The following MED13L variants were observed in gnomAD, a reference collection of about 807,000 sequenced individuals.
The protein encoded by MED13L is mediator of RNA polymerase II transcription subunit 13-like.
A neutral mutation model predicts 220.9 loss-of-function variants in MED13L; 7 were observed. That is an observed-to-expected ratio of 0.03 (90% confidence interval 0.02 to 0.06). The LOEUF (loss-of-function observed/expected upper bound fraction) is 0.06. Among genes scored for constraint, MED13L ranks in the 10% least tolerant of loss-of-function variants. MED13L has a pLI of 1.00. For synonymous variants in MED13L, 1,011 were observed against 1,015.2 expected (o/e 1.00, Z 0.08); for missense variants, 1,965 against 2,760.5 (o/e 0.71, Z 6.46).
intron 1 of MED13L, among the ~76,000 whole-genome samples, chr12:116,243,128 T>A (rs1231987642): frequency 1.3e-5 from 2 of 152,178 alleles, no homozygotes; most frequent in African/African-American, 4.8e-5. Context: ...TAAGATGGTA[T>A]CTACATAAAC....
intron 2 of MED13L, among the ~76,000 whole-genome samples, chr12:116,185,788 C>T (rs984187692): frequency 6.6e-6 from 1 of 152,026 alleles, no homozygotes; most frequent in Admixed American, 6.6e-5. Context: ...CTTCCGCCTC[C>T]CTTCAAGCAA....
chr12:116,059,847 G>C (rs2137627690), intron 4 of MED13L, among the ~76,000 whole-genome samples: 1 of 152,094 alleles, frequency 6.6e-6, no homozygotes, highest in South Asian at 2.1e-4. Flanking sequence ...TGGATTAAGA[G>C]TAAAAAACAT....
At chr12:116,271,148 A>G (rs1873296952) in intron 1 of MED13L, among the ~76,000 whole-genome samples, 1 of 152,094 alleles carries the variant, frequency 6.6e-6, no homozygotes, top group East Asian at 1.9e-4. Flanking sequence ...CCAAGAACAC[A>G]TACAAATACT....
At position 115,987,152 on chromosome 12, in the gene MED13L, G is replaced by T; in HGVS notation, c.4071C>A (p.Leu1357=). The change falls in exon 18 of 31, where the codon CTC becomes CTA. Residue 1357 remains leucine, a synonymous_variant. Coordinates refer to ENST00000281928, the MANE Select transcript of MED13L (RefSeq NM_015335.5). ...WENIQHVQGP[L]TWQQFHKMAG... is the part of the protein sequence containing the mutation. ...CCATTTTATGGAACTGCTGCCAAGT[G>T]AGTGGTCCCTGCACATGCTGGATGT... 2 of 1,614,138 alleles carry T rather than the reference G, an allele frequency of 1.2e-6. No homozygotes were observed. Among genetic ancestry groups the T allele is most frequent in the South Asian group, 2.2e-5 (2 of 91,080 alleles).
intron 30 of MED13L, among the ~76,000 whole-genome samples, chr12:115,961,760 T>C (rs1416221314): frequency 1.3e-5 from 2 of 152,084 alleles, no homozygotes; most frequent in Non-Finnish European, 2.9e-5. Context: ...TCACCTGAGG[T>C]CAGGAGTTCA....
intron 1 of MED13L, among the ~76,000 whole-genome samples, chr12:116,242,462 C>T (rs142511631): frequency 0.019 from 2,899 of 152,274 alleles, 54 homozygotes; most frequent in Middle Eastern, 0.051. Context: ...TATCCCCAAA[C>T]ACAATTATTT....
At chr12:115,962,749 A>G (rs1875854479) in intron 30 of MED13L, 1 of 155,562 alleles carries the variant, frequency 6.4e-6, no homozygotes, top group Non-Finnish European at 1.4e-5. Context: ...AAAAACACAT[A>G]ATCGGTGGCT....
At chr12:116,072,826 C>A (rs1044625497) in intron 4 of MED13L, among the ~76,000 whole-genome samples, 10 of 152,210 alleles carry the variant, frequency 6.6e-5, no homozygotes, top group African/African-American at 2.4e-4. Flanking sequence ...TTATGCAAAT[C>A]ATTCAACCTC....
intron 9 of MED13L, 135 bp downstream of exon 9, chr12:116,012,661 GA>G (rs1003590518): frequency 2.7e-6 from 2 of 754,240 alleles, no homozygotes; most frequent in East Asian, 5.1e-5. Context: ...CTGCATATAA[GA>G]AAAAAACTAA....
chr12:115,977,287 A>T (rs1877004574), intron 23 of MED13L, among the ~76,000 whole-genome samples: 1 of 152,238 alleles, frequency 6.6e-6, no homozygotes. Context: ...AGAATGACAC[A>T]ATTTTAAAGC....
At chr12:116,232,904 T>C (rs963198973) in intron 2 of MED13L, among the ~76,000 whole-genome samples, 7 of 152,074 alleles carry the variant, frequency 4.6e-5, no homozygotes, top group African/African-American at 1.7e-4. Context: ...CTGGCCAACA[T>C]GGTGAAACCC....
intron 1 of MED13L, among the ~76,000 whole-genome samples, chr12:116,274,003 G>A (rs1873605366): frequency 6.6e-6 from 1 of 152,192 alleles, no homozygotes; most frequent in South Asian, 2.1e-4. Context: ...ACCCAGAAAT[G>A]TGATGGACAG....
chr12:116,030,064 T>C (rs2137484102), intron 4 of MED13L, among the ~76,000 whole-genome samples: 1 of 152,238 alleles, frequency 6.6e-6, no homozygotes, highest in African/African-American at 2.4e-5. Flanking sequence ...CACCTCCCAG[T>C]TCAGGTGATT....
chr12:116,057,022 CT>C (rs1285377262), intron 4 of MED13L, among the ~76,000 whole-genome samples: 1 of 152,138 alleles, frequency 6.6e-6, no homozygotes, highest in African/African-American at 2.4e-5. Flanking sequence ...CTAAATCATT[CT>C]GGTAAAAGAA....
chr12:116,012,460 T>A (rs1394975294), intron 9 of MED13L, among the ~76,000 whole-genome samples: 1 of 152,174 alleles, frequency 6.6e-6, no homozygotes, highest in East Asian at 1.9e-4. Flanking sequence ...CTCAAGCCCA[T>A]CTGTTTTTAA....
intron 2 of MED13L, among the ~76,000 whole-genome samples, chr12:116,153,779 T>C (rs1191909287): frequency 6.6e-6 from 1 of 152,162 alleles, no homozygotes; most frequent in Non-Finnish European, 1.5e-5. Flanking sequence ...AATATGCAAA[T>C]AGTATATCTG....
chr12:116,005,967 T>C lies in MED13L; in HGVS notation c.2371A>G (p.Arg791Gly). 1 of 1,613,972 alleles carries C rather than the reference T, an allele frequency of 6.2e-7. No individual in the cohort carries two copies. The highest frequency in any genetic ancestry group is 8.5e-7 in the Non-Finnish European group (1 of 1,179,864). The part of the protein sequence containing the change: ...TDVRQDNAAG[R>G]AGSSSLTQVT... ...TGTGTAAGGCTACTGGAGCCAGCTCTGCCAGCAGCATTATCCTGCCGGACA... is the reference window on the plus strand; with the variant it reads ...TGTGTAAGGCTACTGGAGCCAGCTCCGCCAGCAGCATTATCCTGCCGGACA... Residue 791 changes from arginine (R) to glycine (G), a missense_variant, in exon 13 of 31, where the codon AGA (arginine) becomes GGA (glycine). Arg to Gly is a moderately radical substitution (Grantham distance 125). This residue lies in a region of MED13L where 818 missense variants were observed against 1,041.2 expected (regional missense o/e 0.79). Coordinates refer to ENST00000281928, the MANE Select transcript of MED13L (RefSeq NM_015335.5).
intron 4 of MED13L, among the ~76,000 whole-genome samples, chr12:116,055,148 C>G (rs542322086): frequency 1.3e-5 from 2 of 151,932 alleles, no homozygotes; most frequent in African/African-American, 4.8e-5. Flanking sequence ...AAATAGTGAT[C>G]CCTTTGAGGG....
chr12:116,120,177 T>C (rs1874917914), intron 2 of MED13L, among the ~76,000 whole-genome samples: 1 of 151,840 alleles, frequency 6.6e-6, no homozygotes, highest in African/African-American at 2.4e-5. Flanking sequence ...ACAGATGGGA[T>C]TCATATCCAA....
Sources: allele counts gnomAD v4.1 joint callset (sites outside exome capture counted in the v4.1 genomes callset), GRCh38; gene constraint gnomAD v4.1.1; regional missense constraint gnomAD v4.1.1; transcripts MANE v1.5; gene names NCBI Gene and HGNC (gene_info 2026-07-23, HGNC 2026-07-21).